Variants in CDH13 observed in about 807,000 individuals in gnomAD.
CDH13 encodes the protein cadherin 13.
A neutral mutation model predicts 63.8 loss-of-function variants in CDH13; 24 were observed. The observed-to-expected ratio is 0.38, with a 90% CI of 0.27 to 0.53. The LOEUF is 0.53. CDH13 is among the 20% of genes least tolerant of loss of function. The pLI, the probability that CDH13 is intolerant of heterozygous loss-of-function variation, is 0.85. For missense variants in CDH13, 1,049 were observed against 903.1 expected (o/e 1.16, Z -2.07); for synonymous variants, 503 against 355.3 (o/e 1.42, Z -4.67).
intron 10 of CDH13, among the ~76,000 whole-genome samples, chr16:83,687,192 G>A (rs2150885191): frequency 6.6e-6 from 1 of 152,214 alleles, no homozygotes; most frequent in African/African-American, 2.4e-5. Context: ...CAACCTGGGT[G>A]ACAGAGTGAG....
At chr16:83,529,397 A>ATTT (rs1267783552) in intron 7 of CDH13, among the ~76,000 whole-genome samples, 1 of 152,198 alleles carries the variant, frequency 6.6e-6, no homozygotes, top group East Asian at 1.9e-4. Flanking sequence ...ATGTTTGTTG[A>ATTT]AGCATTGTTT....
intron 3 of CDH13, among the ~76,000 whole-genome samples, chr16:83,103,242 A>AC (rs1567832027): frequency 9.7e-6 from 1 of 102,944 alleles, no homozygotes; most frequent in Non-Finnish European, 1.9e-5. Context: ...CGTTAACTGA[A>AC]CTTTTTTTTT....
intron 3 of CDH13, among the ~76,000 whole-genome samples, chr16:83,110,508 G>T (rs1362736131): frequency 1.3e-5 from 2 of 152,142 alleles, no homozygotes; most frequent in Admixed American, 1.3e-4. Flanking sequence ...TACTGGGCTG[G>T]CGAGCTGAGT....
chr16:82,781,935 T>C (rs1192659225), intron 1 of CDH13, among the ~76,000 whole-genome samples: 1 of 152,120 alleles, frequency 6.6e-6, no homozygotes, highest in Non-Finnish European at 1.5e-5. Flanking sequence ...GAAAGAATGG[T>C]TTACTGTGTC....
At chr16:83,037,208 A>G (rs927099599) in intron 3 of CDH13, among the ~76,000 whole-genome samples, 1 of 152,162 alleles carries the variant, frequency 6.6e-6, no homozygotes, top group African/African-American at 2.4e-5. Context: ...ATCTTAGTCT[A>G]TGTTTAGCCT....
chr16:83,795,058 C>T lies in CDH13; in HGVS notation c.*28C>T. 5 of 1,574,056 alleles carry T rather than the reference C, an allele frequency of 3.2e-6. No homozygotes were observed. Among genetic ancestry groups the T allele is most frequent in the Non-Finnish European group, 4.3e-6 (5 of 1,159,938 alleles). On this transcript the variant is annotated 3_prime_UTR_variant, in exon 14 of 14. Transcript: ENST00000567109. The stretch of plus-strand genomic sequence containing the variant: ...ACTCCTGACGTCTGAAGCTTGACTC[C>T]CAAGTTTCCATAGCAACAGGAAAAA...
At chr16:82,744,479 T>C (rs148319556) in intron 1 of CDH13, among the ~76,000 whole-genome samples, 264 of 152,186 alleles carry the variant, frequency 1.7e-3, no homozygotes, top group African/African-American at 5.7e-3. Flanking sequence ...TGAACCCAAT[T>C]GGTCCAGTTA....
chr16:83,236,980 C>G (rs1197864748), intron 5 of CDH13, among the ~76,000 whole-genome samples: 1 of 151,794 alleles, frequency 6.6e-6, no homozygotes, highest in South Asian at 2.1e-4. Context: ...TCACAGTGCA[C>G]AAAAAGAGGT....
At chr16:83,024,859 A>G (rs2151461051) in intron 2 of CDH13, among the ~76,000 whole-genome samples, 1 of 152,322 alleles carries the variant, frequency 6.6e-6, no homozygotes, top group African/African-American at 2.4e-5. Flanking sequence ...ACAACTGTTC[A>G]CATGAAGTAC....
intron 4 of CDH13, among the ~76,000 whole-genome samples, chr16:83,189,108 G>C (rs1245997801): frequency 1.3e-5 from 2 of 152,186 alleles, no homozygotes; most frequent in African/African-American, 4.8e-5. Context: ...TTTCAACAAA[G>C]TACATTGATT....
At chr16:83,061,171 A>G (rs2031516631) in intron 3 of CDH13, among the ~76,000 whole-genome samples, 1 of 152,178 alleles carries the variant, frequency 6.6e-6, no homozygotes, top group Admixed American at 6.5e-5. Context: ...AGTTGGACCT[A>G]GGGCCCAGGT....
intron 5 of CDH13, among the ~76,000 whole-genome samples, chr16:83,241,428 GC>G (rs1352466293): frequency 6.6e-6 from 1 of 152,146 alleles, no homozygotes; most frequent in Non-Finnish European, 1.5e-5. Context: ...TAATGATTGT[GC>G]TATTTTATAT....
chr16:82,645,943 A>T (rs1344589074), intron 1 of CDH13, among the ~76,000 whole-genome samples: 1 of 152,262 alleles, frequency 6.6e-6, no homozygotes, highest in African/African-American at 2.4e-5. Flanking sequence ...AATGTTCATC[A>T]TGCCTAAACT....
intron 4 of CDH13, among the ~76,000 whole-genome samples, chr16:83,143,393 A>G (rs1026967126): frequency 1.3e-5 from 2 of 152,118 alleles, no homozygotes; most frequent in African/African-American, 4.8e-5. Flanking sequence ...ATACTATAAA[A>G]CTCATTATGT....
intron 2 of CDH13, among the ~76,000 whole-genome samples, chr16:82,983,496 G>C (rs1567717436): frequency 6.6e-6 from 1 of 152,140 alleles, no homozygotes; most frequent in Admixed American, 6.5e-5. Context: ...TGGATTCCAG[G>C]AAGACAGAAT....
chr16:83,435,423 C>G (rs536690054), intron 6 of CDH13, among the ~76,000 whole-genome samples: 2 of 152,106 alleles, frequency 1.3e-5, no homozygotes, highest in Admixed American at 6.6e-5. Flanking sequence ...CCCTTCAAAG[C>G]CTTCTGTGGC....
At chr16:83,011,483 C>G (rs997280422) in intron 2 of CDH13, among the ~76,000 whole-genome samples, 11 of 152,272 alleles carry the variant, frequency 7.2e-5, no homozygotes, top group African/African-American at 2.6e-4. Context: ...ATGGTAATCC[C>G]CAGGGGCTTG....
chr16:83,437,112 T>A (rs2072328341), intron 6 of CDH13, among the ~76,000 whole-genome samples: 2 of 152,090 alleles, frequency 1.3e-5, no homozygotes, highest in South Asian at 4.1e-4. Context: ...CTGGAGTTCT[T>A]ATGGATTTGA....
At chr16:83,288,774 C>T (rs905126838) in intron 5 of CDH13, among the ~76,000 whole-genome samples, 4 of 152,320 alleles carry the variant, frequency 2.6e-5, no homozygotes, top group South Asian at 2.1e-4. Context: ...CTCTGCAAAA[C>T]GAGCCGCTGC....
Sources: allele counts gnomAD v4.1 joint callset (sites outside exome capture counted in the v4.1 genomes callset), GRCh38; gene constraint gnomAD v4.1.1; transcripts MANE v1.5; gene names NCBI Gene and HGNC (gene_info 2026-07-23, HGNC 2026-07-21).